Variants in MMP16 observed in about 807,000 individuals in gnomAD.
The protein encoded by MMP16 is matrix metallopeptidase 16.
Under a neutral mutation model 67.8 loss-of-function variants are expected in MMP16, and 12 were observed. That is an observed-to-expected ratio of 0.18 (90% CI 0.11 to 0.29). The LOEUF (loss-of-function observed/expected upper bound fraction) is 0.29. MMP16 is among the 10% of genes least tolerant of loss of function. The pLI is 1.00. For synonymous variants in MMP16, 249 were observed against 255.9 expected (o/e 0.97, Z 0.26); for missense variants, 475 against 765.7 (o/e 0.62, Z 4.48).
chr8:88,085,985 A>G (rs1486600189), intron 6 of MMP16, among the ~76,000 whole-genome samples: 1 of 150,730 alleles, frequency 6.6e-6, no homozygotes, highest in Non-Finnish European at 1.5e-5. Context: ...AAAAATGCAT[A>G]CTCATTCATG....
intron 6 of MMP16, among the ~76,000 whole-genome samples, chr8:88,115,008 G>C (rs564022215): frequency 6.6e-6 from 1 of 151,894 alleles, no homozygotes; most frequent in Non-Finnish European, 1.5e-5. Context: ...TGTTGAAAGC[G>C]ATCACTAGAT....
At chr8:88,287,210 C>G (rs1044883915) in intron 1 of MMP16, among the ~76,000 whole-genome samples, 3 of 152,144 alleles carry the variant, frequency 2.0e-5, no homozygotes, top group African/African-American at 7.2e-5. Flanking sequence ...CCCCAACTTA[C>G]AACCAGTTAA....
chr8:88,324,222 G>A lies in MMP16; in HGVS notation c.132+2853C>T, dbSNP rs73292472. On this transcript the variant is annotated intron_variant, in intron 1 of 9. Transcript: ENST00000286614. ...GCTTCTTAAAAAACAAGCTAACCAA[G>A]CAAAACCAAATGCACTCTCTTTCTG... is the stretch of plus-strand genomic sequence containing the variant. Among the ~76,000 whole-genome samples the A allele has an allele frequency of 2.8e-3, 433 of 152,080 alleles. 1 individual carries two copies. Among genetic ancestry groups the A allele is most frequent in the African/African-American group, 0.01 (423 of 41,486 alleles).
intron 1 of MMP16, among the ~76,000 whole-genome samples, chr8:88,229,435 A>T (rs1809824438): frequency 6.6e-6 from 1 of 152,132 alleles, no homozygotes; most frequent in Admixed American, 6.6e-5. Context: ...ACATGGCTAC[A>T]GAGCATGGTT....
At chr8:88,050,896 C>G (rs2118212122) in intron 8 of MMP16, among the ~76,000 whole-genome samples, 1 of 152,246 alleles carries the variant, frequency 6.6e-6, no homozygotes, top group East Asian at 1.9e-4. Context: ...TCAGAGAGAT[C>G]TCATTTCAGG....
rs113194223 is a variant in MMP16 at position 88,128,100 on chromosome 8, C to A, written c.710-9239G>T. Reference sequence around the variant, plus strand: ...GCTGCAAGCTCAAGGTCAGTCTTTACCTGCATGCTGCGGAGAACGGCCTCT... The same window carrying A: ...GCTGCAAGCTCAAGGTCAGTCTTTAACTGCATGCTGCGGAGAACGGCCTCT... On this transcript the variant is annotated intron_variant, in intron 4 of 9. Coordinates refer to ENST00000286614, the MANE Select transcript of MMP16 (RefSeq NM_005941.5). 5.9e-5 allele frequency among the ~76,000 whole-genome samples: 9 copies of A among 151,950 alleles called. No homozygotes were observed. In the East Asian group the frequency reaches 1.8e-3, roughly 30 times the overall value.
intron 1 of MMP16, among the ~76,000 whole-genome samples, chr8:88,322,386 T>C (rs974036997): frequency 2.0e-5 from 3 of 152,206 alleles, no homozygotes; most frequent in Non-Finnish European, 2.9e-5. Context: ...GCTTGGTTGA[T>C]TTTCAGTACA....
At chr8:88,045,533 G>A (rs1808188619) in intron 9 of MMP16, among the ~76,000 whole-genome samples, 1 of 151,916 alleles carries the variant, frequency 6.6e-6, no homozygotes, top group Non-Finnish European at 1.5e-5. Flanking sequence ...ACCATGCCTT[G>A]CTTATTTTTT....
chr8:88,066,311 T>C (rs1363458703), intron 7 of MMP16, among the ~76,000 whole-genome samples: 1 of 152,042 alleles, frequency 6.6e-6, no homozygotes, highest in Non-Finnish European at 1.5e-5. Context: ...GCTTACAAAA[T>C]GTTACTCTTT....
chr8:88,245,688 C>T (rs1810103261), intron 1 of MMP16, among the ~76,000 whole-genome samples: 1 of 152,074 alleles, frequency 6.6e-6, no homozygotes, highest in Non-Finnish European at 1.5e-5. Context: ...ACTACAGGCC[C>T]AAGTGGCTGC....
At chr8:88,101,182 G>A (rs1310999788) in intron 6 of MMP16, among the ~76,000 whole-genome samples, 2 of 151,482 alleles carry the variant, frequency 1.3e-5, no homozygotes, top group East Asian at 3.9e-4. Context: ...AAAAACTCAG[G>A]CTCAACAGTG....
At chr8:88,098,291 T>C (rs2118367961) in intron 6 of MMP16, among the ~76,000 whole-genome samples, 1 of 152,162 alleles carries the variant, frequency 6.6e-6, no homozygotes, top group African/African-American at 2.4e-5. Context: ...GGTGCTCATC[T>C]GAGTTTCAGT....
chr8:88,312,394 G>A (rs796652984), intron 1 of MMP16, among the ~76,000 whole-genome samples: 3 of 152,174 alleles, frequency 2.0e-5, no homozygotes, highest in South Asian at 4.2e-4. Context: ...ACTACCAGCA[G>A]TTATCATTAT....
chr8:88,236,218 G>A (rs1809937882), intron 1 of MMP16, among the ~76,000 whole-genome samples: 1 of 152,218 alleles, frequency 6.6e-6, no homozygotes, highest in Non-Finnish European at 1.5e-5. Flanking sequence ...TAGAATGGTT[G>A]AGATCACATA....
chr8:88,114,076 C>A (rs576190294), intron 6 of MMP16, among the ~76,000 whole-genome samples: 70 of 151,902 alleles, frequency 4.6e-4, no homozygotes, highest in African/African-American at 1.6e-3. Flanking sequence ...TTCTGACTTT[C>A]ATTTTTTAAA....
chr8:88,036,023 T>C lies in MMP16; in HGVS notation c.*5438A>G, dbSNP rs1454371418. Reference sequence around the variant, plus strand: ...GATGAGACTAGAACATGAAGGCAACTTCTTTGCTACTACGCCAAGTGTCTT... The same window carrying C: ...GATGAGACTAGAACATGAAGGCAACCTCTTTGCTACTACGCCAAGTGTCTT... On this transcript the variant is annotated 3_prime_UTR_variant, in exon 10 of 10. Transcript: ENST00000286614. 1 of 152,028 alleles carries C rather than the reference T, an allele frequency of 6.6e-6. No individual in the cohort carries two copies. Among genetic ancestry groups the C allele is most frequent in the East Asian group, 1.9e-4 (1 of 5,198 alleles). 9.4% of individuals were successfully genotyped at this position (152,028 alleles called of 1,614,324 possible).
intron 7 of MMP16, among the ~76,000 whole-genome samples, chr8:88,071,378 A>G (rs775721081): frequency 6.6e-6 from 1 of 152,124 alleles, no homozygotes; most frequent in Non-Finnish European, 1.5e-5. Context: ...TTTAGGAAAT[A>G]CAGAGTTAAA....
intron 1 of MMP16, among the ~76,000 whole-genome samples, chr8:88,247,561 G>C (rs951122857): frequency 8.6e-5 from 13 of 151,992 alleles, no homozygotes; most frequent in East Asian, 3.9e-4. Flanking sequence ...AATGAGGCTC[G>C]AGGGTTCACT....
At chr8:88,294,516 A>AC (rs141401785) in intron 1 of MMP16, among the ~76,000 whole-genome samples, 15,286 of 150,810 alleles carry the variant, frequency 0.1, 925 homozygotes, top group South Asian at 0.17. Flanking sequence ...GTCTCTACAC[A>AC]CACATGTATA....
Sources: allele counts gnomAD v4.1 joint callset (sites outside exome capture counted in the v4.1 genomes callset), GRCh38; gene constraint gnomAD v4.1.1; transcripts MANE v1.5; gene names NCBI Gene and HGNC (gene_info 2026-07-23, HGNC 2026-07-21).